CSMD1: variants seen among roughly 807,000 people sequenced by gnomAD.
CSMD1 encodes the protein CUB and Sushi multiple domains 1, also known as CUB and sushi domain-containing protein 1.
In CSMD1, 213 loss-of-function variants were observed where a neutral mutation model predicts 417.5. The observed-to-expected ratio is 0.51, with a 90% CI of 0.46 to 0.57. The LOEUF is 0.57. Among genes scored for constraint, CSMD1 ranks in the 20% least tolerant of loss-of-function variants. CSMD1 has a pLI of 0.00. For synonymous variants in CSMD1, 2,862 were observed against 1,736.8 expected (o/e 1.65, Z -16.11); for missense variants, 6,923 against 4,529.7 (o/e 1.53, Z -15.17).
intron 11 of CSMD1, among the ~76,000 whole-genome samples, chr8:3,487,281 A>G (rs1227194286): frequency 2.0e-5 from 3 of 152,026 alleles, no homozygotes; most frequent in Non-Finnish European, 4.4e-5. Flanking sequence ...GGCTCTCTGC[A>G]AGCTCCACCT....
chr8:4,485,560 C>G (rs183831362), intron 2 of CSMD1, among the ~76,000 whole-genome samples: 1 of 152,144 alleles, frequency 6.6e-6, no homozygotes, highest in East Asian at 1.9e-4. Flanking sequence ...AATTGGGTGA[C>G]TTTATTTCTT....
At chr8:4,806,271 A>T (rs532322399) in intron 1 of CSMD1, among the ~76,000 whole-genome samples, 156 of 152,232 alleles carry the variant, frequency 1.0e-3, no homozygotes, top group African/African-American at 3.6e-3. Flanking sequence ...ATGCTCGGAG[A>T]CCTGACCCAA....
At chr8:3,474,994 G>C (rs1220382124) in intron 11 of CSMD1, among the ~76,000 whole-genome samples, 1 of 152,084 alleles carries the variant, frequency 6.6e-6, no homozygotes, top group East Asian at 1.9e-4. Context: ...GTAAAACTCT[G>C]TCATCTCCCA....
At chr8:4,818,846 C>A (rs937484928) in intron 1 of CSMD1, among the ~76,000 whole-genome samples, 1 of 152,028 alleles carries the variant, frequency 6.6e-6, no homozygotes, top group Non-Finnish European at 1.5e-5. Flanking sequence ...ATCATTTTTC[C>A]CACTTCACAG....
intron 1 of CSMD1, among the ~76,000 whole-genome samples, chr8:4,659,830 A>C (rs2130917328): frequency 6.6e-6 from 1 of 152,250 alleles, no homozygotes; most frequent in South Asian, 2.1e-4. Context: ...AATCTATGTA[A>C]CCATCCATAT....
Position 4,894,963 on chromosome 8 carries a change from G to A in CSMD1, c.85+99369C>T, listed in dbSNP as rs149716759. The stretch of plus-strand genomic sequence containing the variant: ...CAGGAATCAAATGGCTGAGGTTCAG[G>A]GCTCAGCTTCCACTTTTCTGATCTA... On this transcript the variant is annotated intron_variant, in intron 1 of 69. Transcript: ENST00000635120. Among the ~76,000 whole-genome samples, 228 of 152,234 alleles carry A rather than the reference G, an allele frequency of 1.5e-3. 7 individuals carry two copies. In the East Asian group the frequency reaches 0.039, roughly 26 times the overall value.
intron 30 of CSMD1, among the ~76,000 whole-genome samples, chr8:3,207,151 C>CTTTT (rs35120987): frequency 2.1e-5 from 2 of 95,326 alleles, no homozygotes; most frequent in African/African-American, 8.2e-5. Flanking sequence ...TTTTCATTTT[C>CTTTT]TTTTTTTTTT....
At chr8:4,265,067 G>C (rs776816392) in intron 3 of CSMD1, among the ~76,000 whole-genome samples, 5 of 152,108 alleles carry the variant, frequency 3.3e-5, no homozygotes, top group African/African-American at 1.2e-4. Context: ...TACAAAGGCT[G>C]CTCCTTATAT....
intron 1 of CSMD1, among the ~76,000 whole-genome samples, chr8:4,862,448 G>A (rs530749436): frequency 2.6e-5 from 4 of 152,212 alleles, no homozygotes; most frequent in African/African-American, 9.6e-5. Context: ...AGAGGCATGT[G>A]TGACTACATT....
chr8:4,333,292 A>G (rs768025307), intron 3 of CSMD1, among the ~76,000 whole-genome samples: 29 of 152,208 alleles, frequency 1.9e-4, no homozygotes, highest in Non-Finnish European at 3.4e-4. Context: ...CACCTGAAAG[A>G]AGCGTCTCAG....
At chr8:4,668,695 C>A (rs1006627385) in intron 1 of CSMD1, among the ~76,000 whole-genome samples, 1 of 151,894 alleles carries the variant, frequency 6.6e-6, no homozygotes, top group Non-Finnish European at 1.5e-5. Flanking sequence ...AGTGATCTCC[C>A]CGCGTCAGCC....
At chr8:3,656,137 G>A (rs527788588) in intron 7 of CSMD1, among the ~76,000 whole-genome samples, 2 of 152,282 alleles carry the variant, frequency 1.3e-5, no homozygotes, top group African/African-American at 2.4e-5. Context: ...TCATTGGGGC[G>A]AAAGCCTCTT....
chr8:4,944,445 C>G (rs188120628), intron 1 of CSMD1, among the ~76,000 whole-genome samples: 127 of 152,264 alleles, frequency 8.3e-4, no homozygotes, highest in African/African-American at 3.0e-3. Flanking sequence ...AATTTTCATT[C>G]TTTCTTGAAA....
chr8:4,483,332 AG>A (rs1198383675), intron 2 of CSMD1, among the ~76,000 whole-genome samples: 3 of 152,220 alleles, frequency 2.0e-5, no homozygotes, highest in African/African-American at 7.2e-5. Flanking sequence ...GTTTATCGGC[AG>A]CATGAAAATG....
chr8:4,036,245 T>A (rs1376945696), intron 3 of CSMD1, among the ~76,000 whole-genome samples: 1 of 152,284 alleles, frequency 6.6e-6, no homozygotes, highest in Non-Finnish European at 1.5e-5. Context: ...AGTTGTTAAG[T>A]CATGCATGAC....
At chr8:3,063,149 C>T (rs998913129) in intron 49 of CSMD1, among the ~76,000 whole-genome samples, 6 of 151,988 alleles carry the variant, frequency 3.9e-5, no homozygotes, top group African/African-American at 9.7e-5. Context: ...TCTTTGTGGC[C>T]GATTTCAAAG....
chr8:3,303,058 G>C (rs1457111841), intron 25 of CSMD1, among the ~76,000 whole-genome samples: 1 of 152,170 alleles, frequency 6.6e-6, no homozygotes, highest in Non-Finnish European at 1.5e-5. Flanking sequence ...CTTCATGGCT[G>C]AAATTACTTA....
chr8:3,620,993 G>A (rs750184426), intron 7 of CSMD1, among the ~76,000 whole-genome samples: 3 of 152,132 alleles, frequency 2.0e-5, no homozygotes, highest in African/African-American at 4.8e-5. Flanking sequence ...TCCTTAAGGT[G>A]AGCCCTAATC....
intron 6 of CSMD1, among the ~76,000 whole-genome samples, chr8:3,722,911 T>C (rs1802269968): frequency 1.4e-5 from 1 of 71,746 alleles, no homozygotes; most frequent in African/African-American, 3.7e-5. Context: ...ACTAGCAAAC[T>C]ATTGTGTGTG....
Sources: allele counts gnomAD v4.1 joint callset (sites outside exome capture counted in the v4.1 genomes callset), GRCh38; gene constraint gnomAD v4.1.1; transcripts MANE v1.5; gene names NCBI Gene and HGNC (gene_info 2026-07-23, HGNC 2026-07-21).